SLC10A7: variants seen among roughly 807,000 people sequenced by gnomAD.
SLC10A7 encodes solute carrier family 10 member 7, also known as sodium/bile acid cotransporter 7.
In SLC10A7, 29 loss-of-function variants were observed where a neutral mutation model predicts 43.2. The observed-to-expected ratio is 0.67, with a 90% confidence interval of 0.50 to 0.92. SLC10A7 has a LOEUF of 0.92. Among genes scored for constraint, SLC10A7 ranks in the 40% least tolerant of loss-of-function variants. The probability of loss-of-function intolerance (pLI) is 0.00; values close to 1 mark genes in which losing one functional copy is unlikely to be tolerated. For synonymous variants in SLC10A7, 152 were observed against 144.8 expected, an observed-to-expected ratio of 1.05 and a Z score of -0.35; for missense variants, 295 against 403.2, an observed-to-expected ratio of 0.73 and a Z score of 2.30.
chr4:146,343,059 G>T (rs551890417), intron 5 of SLC10A7, among the ~76,000 whole-genome samples: 7 of 151,862 alleles, frequency 4.6e-5, no homozygotes, highest in Admixed American at 3.3e-4. Context: ...CATTTTTGAG[G>T]CATGCTTGTC....
At chr4:146,445,099 C>T (rs1373676149) in intron 4 of SLC10A7, among the ~76,000 whole-genome samples, 1 of 152,148 alleles carries the variant, frequency 6.6e-6, no homozygotes, top group Non-Finnish European at 1.5e-5. Flanking sequence ...TTCCCTGCCT[C>T]GAATTTTACA....
chr4:146,446,277 T>C (rs933616823), intron 4 of SLC10A7, among the ~76,000 whole-genome samples: 1 of 152,150 alleles, frequency 6.6e-6, no homozygotes, highest in Non-Finnish European at 1.5e-5. Context: ...GGACTTGTCC[T>C]ACTGTATTGA....
At chr4:146,272,952 G>C (rs1010037467) in intron 10 of SLC10A7, among the ~76,000 whole-genome samples, 2 of 152,164 alleles carry the variant, frequency 1.3e-5, no homozygotes, top group Non-Finnish European at 2.9e-5. Context: ...CAGAACAACA[G>C]AAAGTGTGCC....
rs189286662 is a variant in SLC10A7 at position 146,480,959 on chromosome 4, G to C, written c.396+22890C>G. On this transcript the variant is annotated intron_variant, in intron 4 of 11. Transcript: ENST00000335472. ...AAAACCATGGAAAGTACAAAAACCT[G>C]AGATGGCTGCACAGAGAAGGGAAGG... Among the ~76,000 whole-genome samples, 23 of 152,250 alleles carry C rather than the reference G, an allele frequency of 1.5e-4. No individual in the cohort carries two copies. In the East Asian group the frequency reaches 3.5e-3, roughly 23 times the overall value.
chr4:146,360,553 G>T (rs1256399234), intron 5 of SLC10A7, among the ~76,000 whole-genome samples: 1 of 151,870 alleles, frequency 6.6e-6, no homozygotes, highest in Non-Finnish European at 1.5e-5. Context: ...ATATCCTACT[G>T]CCTCAGCCTT....
chr4:146,450,371 A>G (rs770451909), intron 4 of SLC10A7, among the ~76,000 whole-genome samples: 25 of 152,204 alleles, frequency 1.6e-4, no homozygotes, highest in Non-Finnish European at 3.1e-4. Context: ...ATTTATATAT[A>G]TAAATGTCAT....
At chr4:146,266,156 CTTTTG>C (rs1233887831) in intron 10 of SLC10A7, among the ~76,000 whole-genome samples, 1 of 152,198 alleles carries the variant, frequency 6.6e-6, no homozygotes, top group Non-Finnish European at 1.5e-5. Context: ...TGATTTCTCA[CTTTTG>C]TTTAGTTTGC....
intron 9 of SLC10A7, among the ~76,000 whole-genome samples, chr4:146,284,488 T>A (rs902044490): frequency 1.3e-5 from 2 of 151,914 alleles, no homozygotes; most frequent in Non-Finnish European, 2.9e-5. Context: ...CCCTGCTTCC[T>A]CATCCCCTGT....
intron 10 of SLC10A7, among the ~76,000 whole-genome samples, chr4:146,268,097 T>G (rs1042043978): frequency 6.6e-5 from 10 of 152,162 alleles, no homozygotes; most frequent in African/African-American, 2.4e-4. Flanking sequence ...GACCTAAACC[T>G]TCCCTTTGCT....
At chr4:146,418,214 A>T (rs1343149254) in intron 5 of SLC10A7, among the ~76,000 whole-genome samples, 1 of 152,214 alleles carries the variant, frequency 6.6e-6, no homozygotes, top group Non-Finnish European at 1.5e-5. Context: ...ATCACAAAAC[A>T]TTCAAACATT....
At chr4:146,519,101 AT>A (rs1560991663) in intron 1 of SLC10A7, among the ~76,000 whole-genome samples, 3,044 of 43,580 alleles carry the variant, frequency 0.07, 449 homozygotes, top group African/African-American at 0.2. Context: ...ATATATATAT[AT>A]ATATATATAT....
At chr4:146,339,990 G>A (rs915488542) in intron 5 of SLC10A7, among the ~76,000 whole-genome samples, 14 of 150,580 alleles carry the variant, frequency 9.3e-5, no homozygotes, top group South Asian at 2.1e-4. Context: ...CCCCCACCCC[G>A]ACAGGTCCCG....
intron 5 of SLC10A7, among the ~76,000 whole-genome samples, chr4:146,429,291 G>A (rs1016307498): frequency 6.6e-6 from 1 of 152,096 alleles, no homozygotes; most frequent in African/African-American, 2.4e-5. Context: ...ATACAATTAT[G>A]ATAATTAGCG....
chr4:146,270,496 C>T (rs369312492), intron 10 of SLC10A7, among the ~76,000 whole-genome samples: 12 of 152,186 alleles, frequency 7.9e-5, no homozygotes, highest in African/African-American at 1.9e-4. Context: ...TCTCAGCTTC[C>T]GCCACACATT....
At chr4:146,311,174 G>C (rs1198311410) in intron 6 of SLC10A7, among the ~76,000 whole-genome samples, 1 of 152,100 alleles carries the variant, frequency 6.6e-6, no homozygotes, top group African/African-American at 2.4e-5. Context: ...GTGGAAGCAA[G>C]ATTGACTGTT....
intron 3 of SLC10A7, among the ~76,000 whole-genome samples, chr4:146,507,090 C>T (rs573267691): frequency 1.3e-4 from 20 of 152,246 alleles, no homozygotes; most frequent in African/African-American, 4.6e-4. Context: ...TTCTAGTATA[C>T]GTTATTAACT....
At chr4:146,470,461 A>G (rs1028787163) in intron 4 of SLC10A7, among the ~76,000 whole-genome samples, 2 of 152,008 alleles carry the variant, frequency 1.3e-5, no homozygotes, top group African/African-American at 2.4e-5. Context: ...TGGGTAATAT[A>G]AAGACATGCT....
chr4:146,469,424 G>A (rs1733358429), intron 4 of SLC10A7, among the ~76,000 whole-genome samples: 1 of 152,152 alleles, frequency 6.6e-6, no homozygotes, highest in South Asian at 2.1e-4. Flanking sequence ...GAAAACAAAG[G>A]ACACTAGGAT....
chr4:146,277,697 G>A (rs535742610), intron 10 of SLC10A7, among the ~76,000 whole-genome samples: 257 of 152,130 alleles, frequency 1.7e-3, no homozygotes, highest in African/African-American at 5.5e-3. Context: ...ATTTTCTGTC[G>A]TTCCTCTGGA....
Sources: gnomAD v4.1 joint callset for allele counts (sites outside exome capture counted in the v4.1 genomes callset) on GRCh38, gnomAD v4.1.1 for gene constraint, MANE v1.5 for transcripts, NCBI Gene and HGNC (gene_info 2026-07-23, HGNC 2026-07-21) for gene names.